Variants in KDM2A observed in about 807,000 individuals in gnomAD.
KDM2A encodes lysine-specific demethylase 2A.
A neutral mutation model predicts 137.3 loss-of-function variants in KDM2A; 3 were observed. The observed-to-expected ratio is 0.02, with a 90% CI of 0.01 to 0.06. The LOEUF (loss-of-function observed/expected upper bound fraction) is 0.06. KDM2A is among the 10% of genes least tolerant of loss of function. KDM2A has a pLI of 1.00. For missense variants in KDM2A, 738 were observed against 1,510.6 expected, an observed-to-expected ratio of 0.49 and a Z score of 8.48; for synonymous variants, 512 against 541.5, an observed-to-expected ratio of 0.95 and a Z score of 0.76.
At chr11:67,141,882 A>T (rs749911600) in intron 2 of KDM2A, among the ~76,000 whole-genome samples, 12 of 151,650 alleles carry the variant, frequency 7.9e-5, no homozygotes, top group Non-Finnish European at 1.6e-4. Flanking sequence ...TTATGAGATC[A>T]GCTTTTTAGT....
rs760511800 is a variant in KDM2A, at chr11:67,255,313, G to A, written c.*258G>A. ...AAAGCACAGGCTGTGCTGTCGAGGC[G>A]CCTGCTCGCTTACTCGCCTGCCAGG... On this transcript the variant is annotated 3_prime_UTR_variant, in exon 21 of 21. Coordinates refer to ENST00000529006, the MANE Select transcript of KDM2A (RefSeq NM_012308.3). The A allele has an allele frequency of 5.7e-6, 3 of 523,358 alleles. No individual in the cohort carries two copies. The highest frequency in any genetic ancestry group is 2.9e-5 in the Admixed American group (1 of 33,924). The allele number at this position is 523,358 out of a possible 1,614,324, so 32.4% of individuals were successfully genotyped here.
At chr11:67,125,247 C>T (rs1470049156) in intron 2 of KDM2A, among the ~76,000 whole-genome samples, 6 of 150,058 alleles carry the variant, frequency 4.0e-5, no homozygotes, top group Non-Finnish European at 8.9e-5. Flanking sequence ...GTGGCATGAT[C>T]ATAGGTCATT....
rs776098545 is a variant in KDM2A, at chr11:67,217,888, A to G, written c.841+4A>G. ...TATACCTTCGTCATTCCCTCAGGTA[A>G]GCAAAATGGGAAGAGTGGGTTATTT... is the stretch of plus-strand genomic sequence containing the variant. On this transcript the variant is annotated splice_donor_region_variant and intron_variant, in intron 9 of 20. Transcript: ENST00000529006. 1.3e-6 allele frequency: 2 copies of G among 1,592,666 alleles called. No homozygotes were observed. Among genetic ancestry groups the G allele is most frequent in the Non-Finnish European group, 1.7e-6 (2 of 1,169,432 alleles).
chr11:67,232,742 CTG>C (rs1159782548), intron 12 of KDM2A, among the ~76,000 whole-genome samples: 2 of 149,896 alleles, frequency 1.3e-5, no homozygotes, highest in Non-Finnish European at 3.0e-5. Flanking sequence ...GAGTCTCACT[CTG>C]TCGCTCAGGT....
chr11:67,186,910 CATGA>C (rs1857219679), intron 5 of KDM2A, among the ~76,000 whole-genome samples: 1 of 152,024 alleles, frequency 6.6e-6, no homozygotes, highest in African/African-American at 2.4e-5. Flanking sequence ...TCTTCCACCC[CATGA>C]ATGAATGAAT....
intron 2 of KDM2A, among the ~76,000 whole-genome samples, chr11:67,170,444 G>A (rs1311025870): frequency 2.6e-5 from 3 of 116,994 alleles, no homozygotes; most frequent in East Asian, 5.0e-4. Flanking sequence ...ATGGAGTCTC[G>A]CTCTGTCGCC....
intron 10 of KDM2A, among the ~76,000 whole-genome samples, chr11:67,223,376 C>A (rs577020261): frequency 6.8e-6 from 1 of 147,492 alleles, no homozygotes; most frequent in South Asian, 2.1e-4. Context: ...ATATTTTCTT[C>A]CTTTTTTCTT....
chr11:67,208,643 C>T (rs564104843), intron 6 of KDM2A, among the ~76,000 whole-genome samples: 77 of 151,694 alleles, frequency 5.1e-4, no homozygotes, highest in African/African-American at 1.7e-3. Flanking sequence ...TGGTTGCATG[C>T]GCCTGTAATT....
chr11:67,216,127 A>T (rs116629110), intron 8 of KDM2A, among the ~76,000 whole-genome samples, 178 bp downstream of exon 8: 1,961 of 152,334 alleles, frequency 0.013, 48 homozygotes, highest in African/African-American at 0.045. Flanking sequence ...AGAAATTAGT[A>T]TTCATCTAGT....
chr11:67,202,406 T>A (rs1857650174), intron 5 of KDM2A, among the ~76,000 whole-genome samples: 1 of 152,164 alleles, frequency 6.6e-6, no homozygotes, highest in Admixed American at 6.6e-5. Flanking sequence ...TCAAACAGCA[T>A]TGCATGCTAC....
chr11:67,183,934 C>A (rs2136339310), intron 5 of KDM2A, among the ~76,000 whole-genome samples: 1 of 151,358 alleles, frequency 6.6e-6, no homozygotes, highest in South Asian at 2.1e-4. Flanking sequence ...CATAGCAAGA[C>A]CCTGTCTCTA....
intron 2 of KDM2A, among the ~76,000 whole-genome samples, chr11:67,173,068 G>A (rs1218774468): frequency 6.6e-6 from 1 of 151,996 alleles, no homozygotes; most frequent in Non-Finnish European, 1.5e-5. Flanking sequence ...ACAGTTCACT[G>A]CAGCTTGGAC....
At chr11:67,156,691 C>T (rs1223099133) in intron 2 of KDM2A, among the ~76,000 whole-genome samples, 2 of 145,638 alleles carry the variant, frequency 1.4e-5, no homozygotes, top group Admixed American at 7.0e-5. Context: ...TGCACTCCAG[C>T]CTGGGCAACA....
Position 67,181,219 on chromosome 11 carries a change from A to G in KDM2A, c.182-101A>G, listed in dbSNP as rs1040400038. 9 of 648,218 alleles carry G rather than the reference A, an allele frequency of 1.4e-5. No individual in the cohort carries two copies. In the African/African-American group the frequency reaches 1.5e-4, roughly 11 times the overall value. 40.2% of individuals were successfully genotyped at this position (648,218 alleles called of 1,614,324 possible). ...ACAGCATAACTATATACACAGAATA[A>G]CAAACACCATTTATACTGTATTACT... On this transcript the variant is annotated intron_variant, in intron 3 of 20. Transcript: ENST00000529006.
chr11:67,143,944 AT>A (rs560706398), intron 2 of KDM2A, among the ~76,000 whole-genome samples: 165 of 142,610 alleles, frequency 1.2e-3, no homozygotes, highest in Admixed American at 1.1e-3. Context: ...AAAAAAAACT[AT>A]TTTTTTTTTT....
intron 12 of KDM2A, chr11:67,240,404 G>T: frequency 6.6e-7 from 1 of 1,518,328 alleles, no homozygotes; most frequent in South Asian, 1.2e-5. Context: ...TTTCTGGTTT[G>T]GGGTGCGTGT....
At chr11:67,208,686 G>A (rs377217175) in intron 6 of KDM2A, among the ~76,000 whole-genome samples, 1 of 149,668 alleles carries the variant, frequency 6.7e-6, no homozygotes, top group South Asian at 2.1e-4. Context: ...CATGAGAATC[G>A]CTTGAACCTG....
chr11:67,148,943 C>G (rs773351190), intron 2 of KDM2A: 3 of 152,144 alleles, frequency 2.0e-5, no homozygotes, highest in Non-Finnish European at 4.4e-5. Context: ...CATTACAGAT[C>G]TACTTAAATC....
intron 2 of KDM2A, among the ~76,000 whole-genome samples, chr11:67,127,276 C>A (rs1855752396): frequency 6.6e-6 from 1 of 151,844 alleles, no homozygotes; most frequent in Non-Finnish European, 1.5e-5. Flanking sequence ...TTAATTTTTT[C>A]TGTAAAGGCA....
Sources: allele counts gnomAD v4.1 joint callset (sites outside exome capture counted in the v4.1 genomes callset), GRCh38; gene constraint gnomAD v4.1.1; transcripts MANE v1.5; gene names NCBI Gene and HGNC (gene_info 2026-07-23, HGNC 2026-07-21).